The following SRGAP3 variants were observed in gnomAD, a reference collection of about 807,000 sequenced individuals.
SRGAP3 encodes the protein SLIT-ROBO Rho GTPase activating protein 3.
In SRGAP3, 39 loss-of-function variants were observed where a neutral mutation model predicts 121.1. The ratio of observed to expected loss-of-function variants is 0.32; its 90% CI spans 0.25 to 0.42. The LOEUF (loss-of-function observed/expected upper bound fraction) is 0.42, where lower values mean the gene tolerates loss of function less well. SRGAP3 is among the 10% of genes least tolerant of loss of function. SRGAP3 has a pLI of 1.00. For synonymous variants in SRGAP3, 601 were observed against 570.0 expected (o/e 1.05, Z -0.77); for missense variants, 1,213 against 1,470.6 (o/e 0.82, Z 2.86).
chr3:9,247,606 G>A (rs1953869962), intron 1 of SRGAP3, among the ~76,000 whole-genome samples: 1 of 152,156 alleles, frequency 6.6e-6, no homozygotes, highest in African/African-American at 2.4e-5. Flanking sequence ...CTGGGTCATT[G>A]GGTCTTCAGT....
At chr3:9,126,083 C>A (rs1047824632) in intron 1 of SRGAP3, among the ~76,000 whole-genome samples, 1 of 152,192 alleles carries the variant, frequency 6.6e-6, no homozygotes, top group Non-Finnish European at 1.5e-5. Context: ...CTGGGGTACA[C>A]AAAGACACCC....
chr3:9,342,379 A>C (rs1383940476), intron 1 of SRGAP3, among the ~76,000 whole-genome samples: 2 of 151,920 alleles, frequency 1.3e-5, no homozygotes, highest in East Asian at 3.9e-4. Flanking sequence ...GCAAAAAATC[A>C]TTTTGATTGT....
At chr3:9,280,631 C>G (rs1332149110) in intron 3 of SRGAP3, among the ~76,000 whole-genome samples, 2 of 152,204 alleles carry the variant, frequency 1.3e-5, no homozygotes, top group Non-Finnish European at 2.9e-5. Flanking sequence ...ATGCTGATAA[C>G]CCCTTTTTTC....
At chr3:9,313,354 C>G (rs1388969256) in intron 3 of SRGAP3, among the ~76,000 whole-genome samples, 1 of 152,192 alleles carries the variant, frequency 6.6e-6, no homozygotes. Context: ...CAGTTCCTAT[C>G]CTCTCTGTTT....
At chr3:9,083,208 C>G (rs1255808238) in intron 3 of SRGAP3, among the ~76,000 whole-genome samples, 1 of 152,216 alleles carries the variant, frequency 6.6e-6, no homozygotes, top group Non-Finnish European at 1.5e-5. Flanking sequence ...GTGGCCTCCT[C>G]TTGGTCCTCA....
chr3:9,284,793 A>G (rs929076860), intron 3 of SRGAP3, among the ~76,000 whole-genome samples: 1 of 145,108 alleles, frequency 6.9e-6, no homozygotes, highest in African/African-American at 2.6e-5. Flanking sequence ...AGATCACACC[A>G]CTGCACTCCA....
At chr3:9,115,642 A>C (rs1202062168) in intron 2 of SRGAP3, among the ~76,000 whole-genome samples, 1 of 130,532 alleles carries the variant, frequency 7.7e-6, no homozygotes, top group South Asian at 2.2e-4. Flanking sequence ...CCCCTCATTT[A>C]AAAAAAAAAT....
At chr3:9,214,379 A>G (rs1472594402) in intron 1 of SRGAP3, among the ~76,000 whole-genome samples, 3 of 152,300 alleles carry the variant, frequency 2.0e-5, no homozygotes, top group Non-Finnish European at 4.4e-5. Context: ...CAGAAAGCCC[A>G]AGGAGCTTGC....
chr3:9,318,256 GT>G (rs1392008785), intron 3 of SRGAP3, among the ~76,000 whole-genome samples: 2 of 149,562 alleles, frequency 1.3e-5, no homozygotes, highest in Non-Finnish European at 3.0e-5. Context: ...CCACCGACAT[GT>G]CCCTCACCTC....
intron 2 of SRGAP3, among the ~76,000 whole-genome samples, chr3:9,114,713 AGCCCCTTT>A (rs1452496870): frequency 4.6e-5 from 7 of 152,190 alleles, no homozygotes; most frequent in Non-Finnish European, 1.0e-4. Context: ...TTTCCTTGCA[AGCCCCTTT>A]GCCTTGGTTT....
At chr3:9,113,614 T>TC (rs1948705810) in intron 2 of SRGAP3, among the ~76,000 whole-genome samples, 1 of 152,146 alleles carries the variant, frequency 6.6e-6, no homozygotes, top group Non-Finnish European at 1.5e-5. Flanking sequence ...ATGGTTTGGC[T>TC]GTGTCCCCAC....
intron 1 of SRGAP3, chr3:9,217,286 T>C (rs1952668109): frequency 6.6e-6 from 1 of 152,158 alleles, no homozygotes; most frequent in Admixed American, 6.5e-5. Context: ...AATGAAAACA[T>C]TGCTGCCTTT....
chr3:9,251,713 T>A (rs1954022998), upstream of SRGAP3, among the ~76,000 whole-genome samples: 1 of 152,136 alleles, frequency 6.6e-6, no homozygotes, highest in Admixed American at 6.5e-5. Flanking sequence ...GCCATGGAAA[T>A]GTCACAAAAA....
chr3:9,304,567 A>C (rs992804036), intron 3 of SRGAP3, among the ~76,000 whole-genome samples: 3 of 152,180 alleles, frequency 2.0e-5, no homozygotes, highest in Non-Finnish European at 2.9e-5. Flanking sequence ...TCTGACGCCC[A>C]GGTTCACCAT....
chr3:9,125,024 A>T, intron 1 of SRGAP3, 107 bp from the exon 2 acceptor site: 1 of 1,317,410 alleles, frequency 7.6e-7, no homozygotes, highest in South Asian at 1.2e-5. Flanking sequence ...CTCCCTCCTA[A>T]CACCATCCAG....
At chr3:9,331,611 C>G (rs1955609547) in intron 1 of SRGAP3, among the ~76,000 whole-genome samples, 1 of 152,140 alleles carries the variant, frequency 6.6e-6, no homozygotes, top group African/African-American at 2.4e-5. Flanking sequence ...CTCCTTCTTT[C>G]AAGAGGTATA....
In SRGAP3 at chr3:9,182,092, C is replaced by CT. The variant is rs1951425470; in HGVS notation, c.68-57176dup. On this transcript the variant is annotated intron_variant, in intron 1 of 21. Coordinates refer to ENST00000383836, the MANE Select transcript of SRGAP3 (RefSeq NM_014850.4). ...TCGGGAGGCTGAGGCACAAGAATCA[C>CT]TTGAACCCAGGAGGCAGAGGTTGCA... Among the ~76,000 whole-genome samples, 3 of 139,392 alleles carry CT rather than the reference C, an allele frequency of 2.2e-5. No individual in the cohort carries two copies. In the South Asian group the frequency reaches 7.2e-4, roughly 34 times the overall value. 91.4% of individuals were successfully genotyped at this position (139,392 alleles called of 152,430 possible).
At chr3:9,037,171 T>G (rs1031098110) in intron 11 of SRGAP3, 1 of 152,202 alleles carries the variant, frequency 6.6e-6, no homozygotes, top group East Asian at 1.9e-4. Context: ...AAAGAAAGAA[T>G]GCCCTCAGGT....
At chr3:9,037,702 G>A in intron 11 of SRGAP3, 1 of 367,864 alleles carries the variant, frequency 2.7e-6, no homozygotes, top group East Asian at 5.7e-5. Flanking sequence ...TGTAGCAGGT[G>A]GGAAGAGAGG....
Sources: allele counts gnomAD v4.1 joint callset (sites outside exome capture counted in the v4.1 genomes callset), GRCh38; gene constraint gnomAD v4.1.1; transcripts MANE v1.5; gene names NCBI Gene and HGNC (gene_info 2026-07-23, HGNC 2026-07-21).